GRIK2: variants seen among roughly 807,000 people sequenced by gnomAD.
GRIK2 encodes glutamate ionotropic receptor kainate type subunit 2, also known as glutamate receptor ionotropic, kainate 2.
Under a neutral mutation model 100.3 loss-of-function variants are expected in GRIK2, and 32 were observed. The observed-to-expected ratio is 0.32, with a 90% confidence interval of 0.24 to 0.43. The LOEUF (loss-of-function observed/expected upper bound fraction) is 0.43. Among genes scored for constraint, GRIK2 ranks in the 20% least tolerant of loss-of-function variants. The probability of loss-of-function intolerance (pLI) is 1.00; values close to 1 mark genes in which losing one functional copy is unlikely to be tolerated. For synonymous variants in GRIK2, 417 were observed against 389.4 expected, an observed-to-expected ratio of 1.07 and a Z score of -0.83; for missense variants, 843 against 1,114.9, an observed-to-expected ratio of 0.76 and a Z score of 3.47.
At chr6:101,865,200 G>T (rs968215363) in intron 11 of GRIK2, among the ~76,000 whole-genome samples, 2 of 152,184 alleles carry the variant, frequency 1.3e-5, no homozygotes, top group Non-Finnish European at 2.9e-5. Flanking sequence ...AAGTCTGTTG[G>T]AATCTAATTC....
chr6:101,772,183 C>G (rs1452335198), intron 7 of GRIK2, among the ~76,000 whole-genome samples: 2 of 152,192 alleles, frequency 1.3e-5, no homozygotes, highest in Non-Finnish European at 2.9e-5. Flanking sequence ...TTATAATCCA[C>G]CAGTCTGGGA....
chr6:101,769,733 G>A (rs1291490333), intron 7 of GRIK2, among the ~76,000 whole-genome samples: 1 of 152,180 alleles, frequency 6.6e-6, no homozygotes, highest in Non-Finnish European at 1.5e-5. Flanking sequence ...AACAGTGAGA[G>A]AGGCCCTCTA....
chr6:101,718,287 G>T (rs1774208885), intron 7 of GRIK2, among the ~76,000 whole-genome samples: 1 of 151,676 alleles, frequency 6.6e-6, no homozygotes, highest in Non-Finnish European at 1.5e-5. Flanking sequence ...GAGAATCTTT[G>T]TAGCAAAAAA....
At chr6:101,798,883 C>G (rs574236421) in intron 7 of GRIK2, among the ~76,000 whole-genome samples, 1 of 152,070 alleles carries the variant, frequency 6.6e-6, no homozygotes, top group East Asian at 1.9e-4. Flanking sequence ...CATCAACCTC[C>G]AAAGTGGTTG....
Position 101,588,703 on chromosome 6 carries a change from AAAG to A in GRIK2, c.116-33243_116-33241del, listed in dbSNP as rs1028992891. ...ACACACAGAAAAGAAAGAAAGAAGA[AAAG>A]AAAAAAAGTGAAGCAGCCCATATTT... On this transcript the variant is annotated intron_variant, in intron 2 of 16. Transcript: ENST00000369134. 1.5e-4 allele frequency among the ~76,000 whole-genome samples: 22 copies of A among 150,308 alleles called. No individual in the cohort carries two copies. In the East Asian group the frequency reaches 3.1e-3, roughly 21 times the overall value.
chr6:101,883,443 A>G (rs922982587), intron 11 of GRIK2, among the ~76,000 whole-genome samples: 1 of 152,080 alleles, frequency 6.6e-6, no homozygotes, highest in Non-Finnish European at 1.5e-5. Context: ...CTGGAGTTAC[A>G]GAATTGGGCA....
chr6:101,508,059 A>G (rs753734945), intron 2 of GRIK2, among the ~76,000 whole-genome samples: 1 of 151,814 alleles, frequency 6.6e-6, no homozygotes, highest in Non-Finnish European at 1.5e-5. Context: ...TTATGTCTAC[A>G]TGAGACCAAA....
At chr6:101,675,290 CGCAG>C (rs1562301762) in intron 4 of GRIK2, among the ~76,000 whole-genome samples, 3 of 120,354 alleles carry the variant, frequency 2.5e-5, no homozygotes, top group East Asian at 2.2e-4. Context: ...CGCACGCACA[CGCAG>C]ACACACACAC....
At chr6:101,952,946 T>C (rs1298683517) in intron 14 of GRIK2, among the ~76,000 whole-genome samples, 1 of 152,174 alleles carries the variant, frequency 6.6e-6, no homozygotes, top group Non-Finnish European at 1.5e-5. Flanking sequence ...CCCCATTTAC[T>C]TAAAATGTCC....
At chr6:101,754,758 C>T (rs186631886) in intron 7 of GRIK2, among the ~76,000 whole-genome samples, 165 of 152,176 alleles carry the variant, frequency 1.1e-3, no homozygotes, top group African/African-American at 3.8e-3. Context: ...ATTATGGGAA[C>T]GAGGGATGAG....
chr6:101,760,409 A>G (rs1777452472), intron 7 of GRIK2, among the ~76,000 whole-genome samples: 1 of 40,852 alleles, frequency 2.4e-5, no homozygotes, highest in African/African-American at 1.7e-4. Context: ...TTATATATTT[A>G]TTATATATAA....
chr6:101,933,965 T>C (rs1185461598), intron 14 of GRIK2, among the ~76,000 whole-genome samples: 1 of 151,842 alleles, frequency 6.6e-6, no homozygotes, highest in African/African-American at 2.4e-5. Flanking sequence ...TCTTGGGAGA[T>C]TTTTCTCTTT....
rs60500994 is a variant in GRIK2, at chr6:101,994,649, A to G, written c.2086-40692A>G. On this transcript the variant is annotated intron_variant, in intron 14 of 16. Transcript: ENST00000369134. ...GGGGTTTGTGCAGGATTTCTCCCCT[A>G]GCAAATGATGAACTAGCACTGGAAT... 5.3e-3 allele frequency among the ~76,000 whole-genome samples: 804 copies of G among 151,944 alleles called. 5 individuals carry two copies. Among genetic ancestry groups the G allele is most frequent in the African/African-American group, 0.018 (754 of 41,526 alleles).
chr6:101,928,047 ATAAC>A (rs1397192637), intron 13 of GRIK2: 1 of 203,868 alleles, frequency 4.9e-6, no homozygotes, highest in African/African-American at 2.3e-5. Context: ...TGAAACCCTC[ATAAC>A]TAACAAAATA....
chr6:101,673,794 C>G (rs979022693), intron 4 of GRIK2, among the ~76,000 whole-genome samples: 6 of 152,100 alleles, frequency 3.9e-5, no homozygotes, highest in African/African-American at 1.4e-4. Context: ...TGCTTAATAT[C>G]ATTTTCCCCT....
intron 2 of GRIK2, among the ~76,000 whole-genome samples, chr6:101,497,045 C>T (rs541742616): frequency 4.3e-4 from 65 of 152,330 alleles, no homozygotes; most frequent in African/African-American, 1.5e-3. Flanking sequence ...TGCTCACTCA[C>T]TCTGCTCCAG....
At chr6:101,522,388 T>A (rs1270778266) in intron 2 of GRIK2, among the ~76,000 whole-genome samples, 1 of 152,170 alleles carries the variant, frequency 6.6e-6, no homozygotes, top group Non-Finnish European at 1.5e-5. Flanking sequence ...CTTAGTGACT[T>A]GGCATAACAA....
chr6:101,795,267 G>A (rs76984417), intron 7 of GRIK2, among the ~76,000 whole-genome samples: 3,878 of 152,202 alleles, frequency 0.025, 168 homozygotes, highest in African/African-American at 0.088. Flanking sequence ...TTTGATTATA[G>A]GGTTAGCAGT....
At chr6:102,001,941 C>T (rs938040588) in intron 14 of GRIK2, among the ~76,000 whole-genome samples, 3 of 151,536 alleles carry the variant, frequency 2.0e-5, no homozygotes, top group East Asian at 1.9e-4. Flanking sequence ...CAAAGTTTTT[C>T]GACTCTTTAC....
Sources: allele counts gnomAD v4.1 joint callset (sites outside exome capture counted in the v4.1 genomes callset), GRCh38; gene constraint gnomAD v4.1.1; transcripts MANE v1.5; gene names NCBI Gene and HGNC (gene_info 2026-07-23, HGNC 2026-07-21).